Variants in BRIP1 observed in about 807,000 individuals in gnomAD.
BRIP1 encodes Fanconi anemia group J protein.
A neutral mutation model predicts 119.7 loss-of-function variants in BRIP1; 88 were observed. The ratio of observed to expected loss-of-function variants is 0.74; its 90% CI spans 0.62 to 0.88. The LOEUF (loss-of-function observed/expected upper bound fraction) is 0.88. Ranked by LOEUF, BRIP1 falls within the 40% of genes least tolerant of loss-of-function variation. The pLI is 0.00. For missense variants in BRIP1, 1,259 were observed against 1,455.4 expected (o/e 0.87, Z 2.20); for synonymous variants, 443 against 496.5 (o/e 0.89, Z 1.43).
chr17:61,770,430 T>G lies in BRIP1; in HGVS notation c.2097+5971A>C, dbSNP rs1032853943. ...ATTAAAGAGCACTGGTCAAGATAAC[T>G]ACAAGGTAGTTATAAAAGACAGTAT... On this transcript the variant is annotated intron_variant, in intron 14 of 19. Transcript: ENST00000259008. This position sits in a 1 kb window ranked among gnomAD's most constrained non-coding sequence, Gnocchi z 4.7. Among the ~76,000 whole-genome samples, 95 of 152,134 alleles carry G rather than the reference T, an allele frequency of 6.2e-4. 1 individual carries two copies. Among genetic ancestry groups the G allele is most frequent in the African/African-American group, 2.3e-3 (94 of 41,426 alleles).
At chr17:61,863,141 C>G (rs1292669957) in intron 1 of BRIP1, 143 bp downstream of exon 1, 1 of 152,140 alleles carries the variant, frequency 6.6e-6, no homozygotes, top group African/African-American at 2.4e-5. Flanking sequence ...GATAGGCTCC[C>G]TCCTCAGGTT....
chr17:61,744,511 T>C lies in BRIP1; in HGVS notation c.2178A>G (p.Glu726=). Residue 726 remains glutamate, a synonymous_variant, in exon 15 of 20, where the codon GAA becomes GAG. Transcript: ENST00000259008. The surrounding 1 kb of genome is among the most constrained non-coding windows in gnomAD (Gnocchi z 5.0). ...AATTTGTTTTTTCTCCTCCCTGTGG[T>C]TCTACAATGACTGTCTTCACCAACT... The part of the protein sequence containing the change: ...NLELVKTVIV[E]PQGGEKTNFD... 1 of 1,613,864 alleles carries C rather than the reference T, an allele frequency of 6.2e-7. No individual in the cohort carries two copies. Among genetic ancestry groups the C allele is most frequent in the Non-Finnish European group, 8.5e-7 (1 of 1,179,800 alleles).
In BRIP1 at chr17:61,796,557, T is replaced by C. The variant is rs534524995; in HGVS notation, c.1340+2543A>G. On this transcript the variant is annotated intron_variant, in intron 9 of 19. Transcript: ENST00000259008. This position sits in a 1 kb window ranked among gnomAD's most constrained non-coding sequence, Gnocchi z 4.8. The stretch of plus-strand genomic sequence containing the variant: ...TCGTGGCACCTGTGTCAAAAATGAG[T>C]TCACTGTAGGTGTGTGGATTTGTTT... 6.6e-6 allele frequency among the ~76,000 whole-genome samples: 1 copy of C among 152,208 alleles called. No individual in the cohort carries two copies. The highest frequency in any genetic ancestry group is 1.5e-5 in the Non-Finnish European group (1 of 67,958).
At chr17:61,817,439 C>T (rs763545961) in intron 6 of BRIP1, among the ~76,000 whole-genome samples, 1 of 152,124 alleles carries the variant, frequency 6.6e-6, no homozygotes, top group Non-Finnish European at 1.5e-5. Flanking sequence ...CAATGCTATC[C>T]TATCATGTCA....
chr17:61,693,337 T>TA lies in BRIP1; in HGVS notation c.2575+92dup. On this transcript the variant is annotated intron_variant, in intron 18 of 19. Transcript: ENST00000259008. This position sits in a 1 kb window ranked among gnomAD's most constrained non-coding sequence, Gnocchi z 4.2. ...TAACAATATTGTACTGTGCACTTAA[T>TA]AAGATAGTAGAGCTCATGTTATGTG... is the stretch of plus-strand genomic sequence containing the variant. 7 of 1,115,548 alleles carry TA rather than the reference T, an allele frequency of 6.3e-6. No individual in the cohort carries two copies. Among genetic ancestry groups the TA allele is most frequent in the Non-Finnish European group, 9.6e-6 (7 of 729,914 alleles). The allele number at this position is 1,115,548 out of a possible 1,614,324, so 69.1% of individuals were successfully genotyped here. A position where few individuals can be genotyped will look rare whatever the true frequency, so the allele number is the denominator to read the frequency against.
In BRIP1 at chr17:61,687,668, C is replaced by T. The variant is rs1251867022; in HGVS notation, c.2576-1503G>A. ...ATAAAGATACACATGTATCCCATAG[C>T]TCTTTAGTAATCACTCCTGGTATTG... On this transcript the variant is annotated intron_variant, in intron 18 of 19. Transcript: ENST00000259008. This position sits in a 1 kb window ranked among gnomAD's most constrained non-coding sequence, Gnocchi z 5.1. 6.6e-6 allele frequency among the ~76,000 whole-genome samples: 1 copy of T among 151,896 alleles called. No individual in the cohort carries two copies. The highest frequency in any genetic ancestry group is 1.5e-5 in the Non-Finnish European group (1 of 67,994).
Position 61,693,696 on chromosome 17 carries a change from CCTA to C in BRIP1, c.2493-187_2493-185del, listed in dbSNP as rs1487470501. Among the ~76,000 whole-genome samples the C allele has an allele frequency of 5.3e-5, 8 of 151,982 alleles. No individual in the cohort carries two copies. Among genetic ancestry groups the C allele is most frequent in the Non-Finnish European group, 2.9e-5 (2 of 67,964 alleles). ...AACAAACTAGATGTATTAAAAATTC[CCTA>C]CTTTTTCCAAATACAGATAACTTGC... On this transcript the variant is annotated intron_variant, in intron 17 of 19. Transcript: ENST00000259008. This position sits in a 1 kb window ranked among gnomAD's most constrained non-coding sequence, Gnocchi z 4.2.
In BRIP1 at chr17:61,862,883, A is replaced by AG; in HGVS notation, c.-31+400_-31+401insC. On this transcript the variant is annotated intron_variant, in intron 1 of 19. Coordinates refer to ENST00000259008, the MANE Select transcript of BRIP1 (RefSeq NM_032043.3). This position sits in a 1 kb window ranked among gnomAD's most constrained non-coding sequence, Gnocchi z 5.3. ...TCTAACATTTTGCGATTCTATCTGT[A>AG]AAGCTCTGAGAATGAGGTATGGTGG... is the stretch of plus-strand genomic sequence containing the variant. 6.6e-6 allele frequency among the ~76,000 whole-genome samples: 1 copy of AG among 152,148 alleles called. No homozygotes were observed. The highest frequency in any genetic ancestry group is 6.5e-5 in the Admixed American group (1 of 15,288).
chr17:61,852,186 C>T lies in BRIP1; in HGVS notation c.380-2930G>A, dbSNP rs2078831551. Reference sequence around the variant, plus strand: ...GCCATGTGCCAAATAAGGGTAACCCCAATTCATAAAAATAAAAATCATATT... The same window carrying T: ...GCCATGTGCCAAATAAGGGTAACCCTAATTCATAAAAATAAAAATCATATT... On this transcript the variant is annotated intron_variant, in intron 4 of 19. Transcript: ENST00000259008. This position sits in a 1 kb window ranked among gnomAD's most constrained non-coding sequence, Gnocchi z 4.9. Among the ~76,000 whole-genome samples, 1 of 152,014 alleles carries T rather than the reference C, an allele frequency of 6.6e-6. No homozygotes were observed. The highest frequency in any genetic ancestry group is 1.5e-5 in the Non-Finnish European group (1 of 68,014).
Position 61,842,723 on chromosome 17 carries a change from C to G in BRIP1, c.627+4378G>C, listed in dbSNP as rs2078674852. 1.3e-5 allele frequency among the ~76,000 whole-genome samples: 2 copies of G among 152,214 alleles called. No homozygotes were observed. The highest frequency in any genetic ancestry group is 3.8e-4 in the East Asian group (2 of 5,204). On this transcript the variant is annotated intron_variant, in intron 6 of 19. Coordinates refer to ENST00000259008, the MANE Select transcript of BRIP1 (RefSeq NM_032043.3). This position sits in a 1 kb window ranked among gnomAD's most constrained non-coding sequence, Gnocchi z 5.1. ...CCATCTGCTGCTGTTACTACTACTA[C>G]AGCTGCTGCTACTTCTACTACCACT...
intron 16 of BRIP1, among the ~76,000 whole-genome samples, chr17:61,721,761 G>A (rs1054103026): frequency 2.2e-5 from 3 of 136,620 alleles, no homozygotes; most frequent in African/African-American, 5.6e-5. Flanking sequence ...GCAGTGGTGC[G>A]ATCTCAGCTC....
chr17:61,787,428 A>T lies in BRIP1; in HGVS notation c.1474-3004T>A, dbSNP rs1486174422. Among the ~76,000 whole-genome samples, 116 of 130,124 alleles carry T rather than the reference A, an allele frequency of 8.9e-4. 1 individual carries two copies. The highest frequency in any genetic ancestry group is 4.3e-3 in the Middle Eastern group (1 of 234). 85.4% of individuals were successfully genotyped at this position (130,124 alleles called of 152,430 possible). A position where few individuals can be genotyped will look rare whatever the true frequency, so the allele number is the denominator to read the frequency against. ...TATAAAATATTTATATAAAATATAT[A>T]ATATATATACTATATATTATATATA... On this transcript the variant is annotated intron_variant, in intron 10 of 19. Coordinates refer to ENST00000259008, the MANE Select transcript of BRIP1 (RefSeq NM_032043.3).
chr17:61,716,240 TA>T (rs2144387374), intron 16 of BRIP1, among the ~76,000 whole-genome samples, 177 bp from the exon 17 acceptor site: 1 of 152,238 alleles, frequency 6.6e-6, no homozygotes, highest in East Asian at 1.9e-4. Context: ...TCACATTCCT[TA>T]AATTACCTAA....
At chr17:61,835,213 G>T (rs1480909264) in intron 6 of BRIP1, among the ~76,000 whole-genome samples, 1 of 151,902 alleles carries the variant, frequency 6.6e-6, no homozygotes, top group Non-Finnish European at 1.5e-5. Flanking sequence ...ACTAAATATT[G>T]AAAGTCTAAA....
rs1190439017 is a variant in BRIP1 at position 61,680,733 on chromosome 17, C to T, written c.*2563G>A. On this transcript the variant is annotated 3_prime_UTR_variant, in exon 20 of 20. Coordinates refer to ENST00000259008, the MANE Select transcript of BRIP1 (RefSeq NM_032043.3). The stretch of plus-strand genomic sequence containing the variant: ...TGACCTCGTGATCCGCCCGCCTCGG[C>T]CTCCCAAAGTGCTGGGATTACAGGC... Among the ~76,000 whole-genome samples, 1 of 152,156 alleles carries T rather than the reference C, an allele frequency of 6.6e-6. No individual in the cohort carries two copies. Among genetic ancestry groups the T allele is most frequent in the Non-Finnish European group, 1.5e-5 (1 of 68,018 alleles).
Position 61,717,352 on chromosome 17 carries a change from T to C in BRIP1, c.2380-1289A>G, listed in dbSNP as rs9910911. On this transcript the variant is annotated intron_variant, in intron 16 of 19. Transcript: ENST00000259008. This position sits in a 1 kb window ranked among gnomAD's most constrained non-coding sequence, Gnocchi z 4.1. ...GGCACTCTTCATTTTCTCACGTAGA[T>C]TTAAATTTCCATCTGGTATCATTTT... 0.039 allele frequency among the ~76,000 whole-genome samples: 6,000 copies of C among 152,224 alleles called. 434 individuals carry two copies. Among genetic ancestry groups the C allele is most frequent in the African/African-American group, 0.14 (5,696 of 41,538 alleles).
At chr17:61,696,507 G>C (rs976999522) in intron 17 of BRIP1, among the ~76,000 whole-genome samples, 4 of 151,860 alleles carry the variant, frequency 2.6e-5, no homozygotes, top group Non-Finnish European at 4.4e-5. Flanking sequence ...TTTTTTGCTA[G>C]AGTTAATGAA....
At position 61,808,839 on chromosome 17, in the gene BRIP1, G is replaced by A. The variant is rs2078120219; in HGVS notation, c.628-82C>T. The A allele has an allele frequency of 3.7e-6, 5 of 1,341,510 alleles. No individual in the cohort carries two copies. In the South Asian group the frequency reaches 4.9e-5, roughly 13 times the overall value. The allele number at this position is 1,341,510 out of a possible 1,614,324, so 83.1% of individuals were successfully genotyped here. A position where few individuals can be genotyped will look rare whatever the true frequency, so the allele number is the denominator to read the frequency against. ...CAAACCTCACATGGAATCAGAACCTGTAAGTAATGAATCACAATGGTCAAA... is the reference window on the plus strand; with the variant it reads ...CAAACCTCACATGGAATCAGAACCTATAAGTAATGAATCACAATGGTCAAA... On this transcript the variant is annotated intron_variant, in intron 6 of 19. Transcript: ENST00000259008. The surrounding 1 kb of genome is among the most constrained non-coding windows in gnomAD (Gnocchi z 4.1).
intron 6 of BRIP1, among the ~76,000 whole-genome samples, chr17:61,835,731 G>A (rs2078562206): frequency 6.6e-6 from 1 of 151,630 alleles, no homozygotes; most frequent in African/African-American, 2.4e-5. Flanking sequence ...AAAAGTCCAG[G>A]AACCAATCCA....
Sources: allele counts gnomAD v4.1 joint callset (sites outside exome capture counted in the v4.1 genomes callset), GRCh38; gene constraint gnomAD v4.1.1; non-coding constraint Gnocchi (gnomAD v3.1); transcripts MANE v1.5; gene names NCBI Gene and HGNC (gene_info 2026-07-23, HGNC 2026-07-21).